Variants in EPB41L4B observed in about 807,000 individuals in gnomAD.
EPB41L4B encodes the protein band 4.1-like protein 4B.
In EPB41L4B, 30 loss-of-function variants were observed where a neutral mutation model predicts 112.5. The ratio of observed to expected loss-of-function variants is 0.27; its 90% CI spans 0.20 to 0.36. The LOEUF (loss-of-function observed/expected upper bound fraction) is 0.36. EPB41L4B is among the 10% of genes least tolerant of loss of function. The probability of loss-of-function intolerance (pLI) is 1.00; values close to 1 mark genes in which losing one functional copy is unlikely to be tolerated. For missense variants in EPB41L4B, 1,024 were observed against 1,133.3 expected, an observed-to-expected ratio of 0.90 and a Z score of 1.38; for synonymous variants, 408 against 439.7, an observed-to-expected ratio of 0.93 and a Z score of 0.90.
At chr9:109,276,999 CAG>C (rs1835856112) in intron 2 of EPB41L4B, among the ~76,000 whole-genome samples, 1 of 152,170 alleles carries the variant, frequency 6.6e-6, no homozygotes, top group African/African-American at 2.4e-5. Flanking sequence ...GATGAGAAAA[CAG>C]AGGCCAGAGG....
At chr9:109,276,026 T>G (rs568873001) in intron 2 of EPB41L4B, among the ~76,000 whole-genome samples, 73 of 144,048 alleles carry the variant, frequency 5.1e-4, no homozygotes, top group African/African-American at 1.7e-3. Flanking sequence ...GATCTAAATT[T>G]AAAGTTTTAT....
intron 25 of EPB41L4B, among the ~76,000 whole-genome samples, 165 bp downstream of exon 25, chr9:109,176,386 A>G (rs999084424): frequency 2.0e-5 from 3 of 152,160 alleles, no homozygotes; most frequent in African/African-American, 7.2e-5. Context: ...ATTACAGATG[A>G]GAGCCACCGC....
At chr9:109,273,364 G>C (rs898582207) in intron 2 of EPB41L4B, among the ~76,000 whole-genome samples, 8 of 151,700 alleles carry the variant, frequency 5.3e-5, no homozygotes, top group African/African-American at 1.9e-4. Flanking sequence ...CTCCTGCCTC[G>C]GCCTCCCGAG....
chr9:109,217,991 G>A (rs1487608688), intron 15 of EPB41L4B, among the ~76,000 whole-genome samples: 1 of 151,734 alleles, frequency 6.6e-6, no homozygotes, highest in African/African-American at 2.4e-5. Flanking sequence ...ACAGATTCCT[G>A]CTGGCTCTCC....
At chr9:109,192,904 A>G (rs1832509993) in intron 21 of EPB41L4B, among the ~76,000 whole-genome samples, 1 of 152,178 alleles carries the variant, frequency 6.6e-6, no homozygotes, top group African/African-American at 2.4e-5. Flanking sequence ...GGTTCAAGCA[A>G]GGCCCCAAGG....
chr9:109,317,518 A>AGT (rs1451189104), intron 1 of EPB41L4B, among the ~76,000 whole-genome samples: 1 of 152,244 alleles, frequency 6.6e-6, no homozygotes, highest in Non-Finnish European at 1.5e-5. Flanking sequence ...GAGGTGCCAC[A>AGT]GCACGGTCAC....
intron 15 of EPB41L4B, among the ~76,000 whole-genome samples, chr9:109,230,487 A>C (rs1341768796): frequency 2.0e-5 from 3 of 152,222 alleles, no homozygotes; most frequent in Non-Finnish European, 4.4e-5. Context: ...CTACAGCTCA[A>C]TGATATAATT....
intron 16 of EPB41L4B, 53 bp from the exon 17 acceptor site, chr9:109,213,871 T>A: frequency 6.5e-7 from 1 of 1,536,916 alleles, no homozygotes; most frequent in Non-Finnish European, 9.0e-7. Flanking sequence ...GACAGATAGA[T>A]ACAGGGGAAA....
At chr9:109,288,037 G>A (rs565311337) in intron 1 of EPB41L4B, among the ~76,000 whole-genome samples, 13 of 152,340 alleles carry the variant, frequency 8.5e-5, no homozygotes, top group South Asian at 2.1e-4. Context: ...GAATAACGGC[G>A]TCCCTCCAAA....
chr9:109,256,156 G>C lies in EPB41L4B; in HGVS notation c.909C>G (p.Asn303Lys), dbSNP rs145105405. 9.3e-6 allele frequency: 15 copies of C among 1,613,850 alleles called. No individual in the cohort carries two copies. Among genetic ancestry groups the C allele is most frequent in the South Asian group, 5.5e-5 (5 of 91,070 alleles). Residue 303 changes from asparagine (N) to lysine (K), a missense_variant, in exon 9 of 26, where the codon AAC (asparagine) becomes AAG (lysine). Transcript: ENST00000374566. Reference protein sequence around the residue: ...PTGILIFEGANKIGLFFWPKI... With the variant: ...PTGILIFEGAKKIGLFFWPKI... The stretch of plus-strand genomic sequence containing the variant: ...ATTACCAAAAGAATAAGCCTATTTT[G>C]TTAGCTCCTTCAAAGATTAATATGC...
intron 15 of EPB41L4B, among the ~76,000 whole-genome samples, chr9:109,235,170 G>A (rs930311031): frequency 2.6e-5 from 4 of 151,984 alleles, no homozygotes; most frequent in South Asian, 2.1e-4. Context: ...TAGTATTCTC[G>A]GACAGAAATA....
At chr9:109,206,733 T>C (rs1833004203) in intron 18 of EPB41L4B, among the ~76,000 whole-genome samples, 1 of 152,234 alleles carries the variant, frequency 6.6e-6, no homozygotes, top group Non-Finnish European at 1.5e-5. Flanking sequence ...GCTATTAAAC[T>C]AGCAACTTTT....
At chr9:109,295,780 C>G (rs940696431) in intron 1 of EPB41L4B, among the ~76,000 whole-genome samples, 1 of 152,036 alleles carries the variant, frequency 6.6e-6, no homozygotes, top group South Asian at 2.1e-4. Flanking sequence ...CCCCAGACAG[C>G]TCAGTGTTAT....
chr9:109,310,111 T>C (rs1320199337), intron 1 of EPB41L4B, among the ~76,000 whole-genome samples: 1 of 151,986 alleles, frequency 6.6e-6, no homozygotes, highest in African/African-American at 2.4e-5. Context: ...AGTGAAAACA[T>C]CCCAAATGTC....
At position 109,290,050 on chromosome 9, in the gene EPB41L4B, G is replaced by A. The variant is rs191771272; in HGVS notation, c.307-10129C>T. Reference sequence around the variant, plus strand: ...CGACAGTACCTAACGGCACCTGTCCGATGGTAACTTCAAACCCAGGCATGA... The same window carrying A: ...CGACAGTACCTAACGGCACCTGTCCAATGGTAACTTCAAACCCAGGCATGA... On this transcript the variant is annotated intron_variant, in intron 1 of 25. Transcript: ENST00000374566. 5.9e-5 allele frequency among the ~76,000 whole-genome samples: 9 copies of A among 152,290 alleles called. No homozygotes were observed. In the East Asian group the frequency reaches 9.6e-4, roughly 16 times the overall value.
At chr9:109,189,693 A>G (rs13290119) in intron 22 of EPB41L4B, among the ~76,000 whole-genome samples, 45,200 of 151,852 alleles carry the variant, frequency 0.3, 6,928 homozygotes, top group East Asian at 0.38. Flanking sequence ...CAATGGCGCG[A>G]TCTCGGCTCA....
At chr9:109,296,462 T>C (rs1836732681) in intron 1 of EPB41L4B, among the ~76,000 whole-genome samples, 1 of 152,186 alleles carries the variant, frequency 6.6e-6, no homozygotes, top group Admixed American at 6.5e-5. Flanking sequence ...GTAAATTTCT[T>C]ACCTAGCAAG....
rs77379589 is a variant in EPB41L4B, at chr9:109,317,523, G to A, written c.306+2618C>T. On this transcript the variant is annotated intron_variant, in intron 1 of 25. Transcript: ENST00000374566. ...GGACTGGACTGAGGTGCCACAGCAC[G>A]GTCACACTGAGGGTGTTATTGTGTT... is the stretch of plus-strand genomic sequence containing the variant. 8.4e-3 allele frequency among the ~76,000 whole-genome samples: 1,277 copies of A among 152,262 alleles called. 22 individuals are homozygous for A. Among genetic ancestry groups the A allele is most frequent in the African/African-American group, 0.029 (1,192 of 41,546 alleles).
In EPB41L4B at chr9:109,249,506, AT is replaced by A. The variant is rs201271741; in HGVS notation, c.1311-1718del. ...ATCAGGGCTTTTTTTTTTGGGCAGAATTTTTTTTTTTTTTTTAGTTTGTTTT... is the reference window on the plus strand; with the variant it reads ...ATCAGGGCTTTTTTTTTTGGGCAGAATTTTTTTTTTTTTTTAGTTTGTTTT... On this transcript the variant is annotated intron_variant, in intron 13 of 25. Transcript: ENST00000374566. 7.9e-3 allele frequency among the ~76,000 whole-genome samples: 1,111 copies of A among 141,200 alleles called. 2 individuals carry two copies. Among genetic ancestry groups the A allele is most frequent in the African/African-American group, 0.011 (416 of 38,494 alleles). The allele number at this position is 141,200 out of a possible 152,430, so 92.6% of individuals were successfully genotyped here.
Sources: allele counts gnomAD v4.1 joint callset (sites outside exome capture counted in the v4.1 genomes callset), GRCh38; gene constraint gnomAD v4.1.1; transcripts MANE v1.5; gene names NCBI Gene and HGNC (gene_info 2026-07-23, HGNC 2026-07-21).